LMBRD1: variants seen among roughly 807,000 people sequenced by gnomAD.
LMBRD1 encodes the protein lysosomal cobalamin transport escort protein LMBD1.
LMBRD1 carries 64 observed loss-of-function variants against 74.8 expected under a neutral mutation model. The ratio of observed to expected loss-of-function variants is 0.86; its 90% CI spans 0.70 to 1.05. The LOEUF (loss-of-function observed/expected upper bound fraction) is 1.05. LMBRD1 is among the 50% of genes least tolerant of loss of function. The pLI is 0.00. For missense variants in LMBRD1, 652 were observed against 645.9 expected (o/e 1.01, Z -0.10); for synonymous variants, 204 against 216.3 (o/e 0.94, Z 0.50).
intron 3 of LMBRD1, among the ~76,000 whole-genome samples, chr6:69,767,075 T>A (rs985259402): frequency 6.6e-6 from 1 of 151,774 alleles, no homozygotes; most frequent in Non-Finnish European, 1.5e-5. Context: ...CTTATTTTGA[T>A]AATTTATATC....
chr6:69,695,326 CT>C (rs1223651481), intron 14 of LMBRD1, among the ~76,000 whole-genome samples: 1 of 151,886 alleles, frequency 6.6e-6, no homozygotes, highest in Non-Finnish European at 1.5e-5. Flanking sequence ...AATTTTTTCT[CT>C]TTTTTCAGCC....
At chr6:69,752,183 G>T (rs532533524) in intron 4 of LMBRD1, 76 bp downstream of exon 4, 18 of 1,450,022 alleles carry the variant, frequency 1.2e-5, no homozygotes, top group Non-Finnish European at 1.7e-5. Context: ...AAAAAATTCA[G>T]TCATTCATTC....
At chr6:69,791,371 C>A (rs1004693777) in intron 1 of LMBRD1, among the ~76,000 whole-genome samples, 2 of 152,164 alleles carry the variant, frequency 1.3e-5, no homozygotes, top group Non-Finnish European at 2.9e-5. Context: ...GAGTTGCAGA[C>A]AGAGACTGTG....
chr6:69,754,293 A>T (rs531525071), intron 3 of LMBRD1, among the ~76,000 whole-genome samples: 1 of 152,338 alleles, frequency 6.6e-6, no homozygotes, highest in Non-Finnish European at 1.5e-5. Flanking sequence ...GTAAAAAAAA[A>T]ATACGGAAAA....
chr6:69,771,834 C>A (rs1765583278), intron 3 of LMBRD1, among the ~76,000 whole-genome samples: 1 of 151,678 alleles, frequency 6.6e-6, no homozygotes, highest in African/African-American at 2.4e-5. Flanking sequence ...TCTGTGATAA[C>A]CCCAAAAGAG....
chr6:69,724,650 C>T (rs906944233), intron 7 of LMBRD1, among the ~76,000 whole-genome samples: 1 of 151,006 alleles, frequency 6.6e-6, no homozygotes, highest in African/African-American at 2.4e-5. Flanking sequence ...GCTGAAAAAG[C>T]ATTTGATAAT....
chr6:69,703,300 T>G (rs947204109), intron 9 of LMBRD1, among the ~76,000 whole-genome samples: 1 of 151,986 alleles, frequency 6.6e-6, no homozygotes, highest in African/African-American at 2.4e-5. Context: ...AGACTTATAC[T>G]TAGGATTCTC....
chr6:69,676,540 A>G lies in LMBRD1; in HGVS notation c.1419T>C (p.Asp473=), dbSNP rs368164049. 6.2e-7 allele frequency: 1 copy of G among 1,609,018 alleles called. No individual in the cohort carries two copies. Among genetic ancestry groups the G allele is most frequent in the Non-Finnish European group, 8.5e-7 (1 of 1,175,626 alleles). ...GGTATGTCCGGGTAACAGTACACTG[A>G]TCTGTGAAAGCAAATAAAAGACTAT... ...PKRCDADAPE[D]QCTVTRTYLF... Residue 473 remains aspartate, a splice_region_variant and synonymous_variant, in exon 15 of 16, where the codon GAT becomes GAC. Coordinates refer to ENST00000649934, the MANE Select transcript of LMBRD1 (RefSeq NM_018368.4).
intron 4 of LMBRD1, among the ~76,000 whole-genome samples, chr6:69,751,365 T>C (rs903989569): frequency 4.6e-5 from 7 of 152,046 alleles, no homozygotes; most frequent in African/African-American, 1.7e-4. Flanking sequence ...TCGCTCTTGT[T>C]GCCCAGGCTG....
chr6:69,752,431 A>T, intron 3 of LMBRD1, 75 bp from the exon 4 acceptor site: 1 of 1,205,068 alleles, frequency 8.3e-7, no homozygotes, highest in Non-Finnish European at 1.2e-6. Context: ...CTATATGTAT[A>T]TATATTCACT....
intron 3 of LMBRD1, among the ~76,000 whole-genome samples, chr6:69,760,160 A>G (rs1222430046): frequency 6.6e-6 from 1 of 152,204 alleles, no homozygotes; most frequent in Non-Finnish European, 1.5e-5. Flanking sequence ...TACTCTGCAC[A>G]TATACAACAG....
Position 69,755,588 on chromosome 6 carries a change from T to TAAAA in LMBRD1, c.308-3236_308-3233dup, listed in dbSNP as rs75543340. 9.9e-3 allele frequency among the ~76,000 whole-genome samples: 1,312 copies of TAAAA among 132,782 alleles called. 12 individuals carry two copies. Among genetic ancestry groups the TAAAA allele is most frequent in the African/African-American group, 0.019 (676 of 35,226 alleles). 87.1% of individuals were successfully genotyped at this position (132,782 alleles called of 152,430 possible). A position where few individuals can be genotyped will look rare whatever the true frequency, so the allele number is the denominator to read the frequency against. ...CATTCTGCACATGTATCCCAGAACTTAAAAAAAAAAAAAAAAAAATTGTTA... is the reference window on the plus strand; with the variant it reads ...CATTCTGCACATGTATCCCAGAACTTAAAAAAAAAAAAAAAAAAAAAAATTGTTA... On this transcript the variant is annotated intron_variant, in intron 3 of 15. Coordinates refer to ENST00000649934, the MANE Select transcript of LMBRD1 (RefSeq NM_018368.4).
intron 6 of LMBRD1, among the ~76,000 whole-genome samples, chr6:69,739,090 G>A (rs1449454430): frequency 6.6e-6 from 1 of 152,108 alleles, no homozygotes; most frequent in Non-Finnish European, 1.5e-5. Flanking sequence ...AGTATCATGA[G>A]AAGGTGTTTA....
chr6:69,789,058 T>C (rs1423825332), intron 2 of LMBRD1, among the ~76,000 whole-genome samples: 2 of 152,214 alleles, frequency 1.3e-5, no homozygotes, highest in Non-Finnish European at 2.9e-5. Flanking sequence ...TAATAGATGT[T>C]ATTTACTATC....
At chr6:69,696,366 T>C (rs748125506) in intron 14 of LMBRD1, among the ~76,000 whole-genome samples, 2 of 152,188 alleles carry the variant, frequency 1.3e-5, no homozygotes, top group Non-Finnish European at 2.9e-5. Context: ...AAATCCATTA[T>C]CTATATAACT....
intron 3 of LMBRD1, among the ~76,000 whole-genome samples, chr6:69,774,546 T>A (rs1562121409): frequency 6.6e-6 from 1 of 152,190 alleles, no homozygotes; most frequent in Non-Finnish European, 1.5e-5. Flanking sequence ...TTCTCACTTC[T>A]TACTTTTGCA....
In LMBRD1 at chr6:69,737,986, T is replaced by C. The variant is rs763089660; in HGVS notation, c.592A>G (p.Ser198Gly). Reference sequence around the variant, plus strand: ...AACATTCCAATCAAGGTCAGAGAACTGATAGAAAATGACAATGCAGCTAAA... The same window carrying C: ...AACATTCCAATCAAGGTCAGAGAACCGATAGAAAATGACAATGCAGCTAAA... ...HGLAALSFSI[S>G]SLTLIGMLAA... Residue 198 changes from serine to glycine, a missense_variant, in exon 7 of 16, where the codon AGT (serine) becomes GGT (glycine). Transcript: ENST00000649934. 6.2e-7 allele frequency: 1 copy of C among 1,610,430 alleles called. No homozygotes were observed. The highest frequency in any genetic ancestry group is 1.1e-5 in the South Asian group (1 of 90,632).
chr6:69,696,813 G>C (rs191973620), intron 14 of LMBRD1, among the ~76,000 whole-genome samples: 110 of 152,130 alleles, frequency 7.2e-4, no homozygotes, highest in Non-Finnish European at 1.2e-3. Context: ...CTCAGAATTT[G>C]TGTTTTTCAT....
chr6:69,796,856 G>A lies in LMBRD1; in HGVS notation c.26C>T (p.Ala9Val), dbSNP rs1293197993. 3 of 1,613,936 alleles carry A rather than the reference G, an allele frequency of 1.9e-6. No homozygotes were observed. Among genetic ancestry groups the A allele is most frequent in the Admixed American group, 3.3e-5 (2 of 60,000 alleles). The change falls in exon 1 of 16, where the codon GCG becomes GTG. Residue 9 changes from alanine (A) to valine (V), a missense_variant. Ala to Val is a moderately conservative substitution (Grantham distance 64). Around this residue, in one of 3 missense-constraint regions of LMBRD1, gnomAD observed 598 missense variants for 581.8 expected, o/e 1.03. Coordinates refer to ENST00000649934, the MANE Select transcript of LMBRD1 (RefSeq NM_018368.4). MATSGAAS[A>V]ELVIGWCIFG... ...TATGCACCAGCCGATCACCAGCTCC[G>A]CCGAGGCCGCGCCAGAAGTCGCCAT...
Sources: gnomAD v4.1 joint callset for allele counts (sites outside exome capture counted in the v4.1 genomes callset) on GRCh38, gnomAD v4.1.1 for gene constraint, gnomAD v4.1.1 regional missense constraint, MANE v1.5 for transcripts, NCBI Gene and HGNC (gene_info 2026-07-23, HGNC 2026-07-21) for gene names.